CDK6: variants seen among roughly 807,000 people sequenced by gnomAD.
CDK6 encodes cyclin-dependent kinase 6.
CDK6 carries 6 observed loss-of-function variants against 37.1 expected under a neutral mutation model. That is an observed-to-expected ratio of 0.16 (90% CI 0.09 to 0.32). The LOEUF (loss-of-function observed/expected upper bound fraction) is 0.32, where lower values mean the gene tolerates loss of function less well. CDK6 is among the 10% of genes least tolerant of loss of function. CDK6 has a pLI of 1.00. For synonymous variants in CDK6, 160 were observed against 161.3 expected (o/e 0.99, Z 0.06); for missense variants, 224 against 418.9 (o/e 0.53, Z 4.06).
intron 5 of CDK6, among the ~76,000 whole-genome samples, chr7:92,626,540 G>A (rs899434001): frequency 6.6e-6 from 1 of 152,054 alleles, no homozygotes; most frequent in Non-Finnish European, 1.5e-5. Context: ...TGACTTCAAT[G>A]AACAGCAATA....
chr7:92,706,871 G>A (rs906427057), intron 4 of CDK6, among the ~76,000 whole-genome samples: 1 of 152,176 alleles, frequency 6.6e-6, no homozygotes, highest in Non-Finnish European at 1.5e-5. Context: ...GAATAGATAC[G>A]TGTGTAGCCT....
At chr7:92,648,693 G>A (rs1796503371) in intron 5 of CDK6, among the ~76,000 whole-genome samples, 1 of 152,168 alleles carries the variant, frequency 6.6e-6, no homozygotes, top group African/African-American at 2.4e-5. Context: ...GGATGACCGA[G>A]TGTTTGCCAA....
At chr7:92,700,958 T>A (rs1797827757) in intron 4 of CDK6, among the ~76,000 whole-genome samples, 1 of 152,250 alleles carries the variant, frequency 6.6e-6, no homozygotes, top group Non-Finnish European at 1.5e-5. Context: ...GAAGGGTTAA[T>A]GACATCCAGA....
intron 2 of CDK6, among the ~76,000 whole-genome samples, chr7:92,829,624 A>G (rs1801425569): frequency 6.6e-6 from 1 of 152,188 alleles, no homozygotes; most frequent in African/African-American, 2.4e-5. Flanking sequence ...ATGGAGCTCA[A>G]ATGTTCACTT....
chr7:92,608,900 G>C lies in CDK6; in HGVS notation c.*6240C>G, dbSNP rs1043537383. 6.0e-5 allele frequency: 14 copies of C among 232,560 alleles called. No individual in the cohort carries two copies. The highest frequency in any genetic ancestry group is 2.5e-3 in the Middle Eastern group (2 of 804). The allele number at this position is 232,560 out of a possible 1,614,324, so 14.4% of individuals were successfully genotyped here. On this transcript the variant is annotated 3_prime_UTR_variant, in exon 8 of 8. Coordinates refer to ENST00000424848, the MANE Select transcript of CDK6 (RefSeq NM_001145306.2). ...GGCGGGGCAACGAGGCAGCGCGCCC[G>C]GAAGGCTTTCAAGTGGGAATCAAGT... is the stretch of plus-strand genomic sequence containing the variant.
chr7:92,803,037 C>T (rs1473140740), intron 2 of CDK6, among the ~76,000 whole-genome samples: 3 of 152,194 alleles, frequency 2.0e-5, no homozygotes, highest in Non-Finnish European at 4.4e-5. Context: ...TTCCCATGTA[C>T]ACCCAATATT....
intron 5 of CDK6, among the ~76,000 whole-genome samples, chr7:92,629,084 A>G (rs997630121): frequency 8.5e-5 from 13 of 152,102 alleles, no homozygotes; most frequent in East Asian, 3.9e-4. Flanking sequence ...ACGGAAAAAA[A>G]CAATTTAAAG....
intron 2 of CDK6, among the ~76,000 whole-genome samples, chr7:92,819,801 T>G (rs1312966607): frequency 6.6e-6 from 1 of 151,750 alleles, no homozygotes; most frequent in Non-Finnish European, 1.5e-5. Context: ...TGAGAGTAAA[T>G]TCAGTAGACA....
At chr7:92,736,631 G>A (rs1003012264) in intron 3 of CDK6, among the ~76,000 whole-genome samples, 5 of 152,288 alleles carry the variant, frequency 3.3e-5, no homozygotes, top group Non-Finnish European at 7.4e-5. Context: ...AGCAGGCAGG[G>A]TCCTAAAGAG....
At chr7:92,753,671 C>T (rs753237751) in intron 3 of CDK6, among the ~76,000 whole-genome samples, 2 of 152,022 alleles carry the variant, frequency 1.3e-5, no homozygotes, top group African/African-American at 2.4e-5. Flanking sequence ...AAGAAGACTA[C>T]CTTTTGAAAT....
intron 4 of CDK6, among the ~76,000 whole-genome samples, chr7:92,675,557 G>A (rs1562932170): frequency 6.6e-6 from 1 of 152,072 alleles, no homozygotes; most frequent in Non-Finnish European, 1.5e-5. Flanking sequence ...TCATAAATGA[G>A]GCTGATCTGT....
intron 3 of CDK6, among the ~76,000 whole-genome samples, chr7:92,763,917 A>G (rs1584063159): frequency 1.3e-5 from 2 of 152,326 alleles, no homozygotes; most frequent in South Asian, 2.1e-4. Context: ...CAGTTAGGGC[A>G]GGATTGTCAT....
chr7:92,722,611 T>C (rs953310345), intron 4 of CDK6, among the ~76,000 whole-genome samples: 3 of 152,210 alleles, frequency 2.0e-5, no homozygotes, highest in African/African-American at 7.2e-5. Flanking sequence ...ATGGAGTAAG[T>C]CCTTCAGCTT....
intron 5 of CDK6, among the ~76,000 whole-genome samples, chr7:92,635,938 G>T (rs1225186010): frequency 6.6e-6 from 1 of 152,102 alleles, no homozygotes; most frequent in African/African-American, 2.4e-5. Flanking sequence ...GATAAGAGCA[G>T]GAGCTGTAAT....
rs374120271 is a variant in CDK6, at chr7:92,606,441, A to T, written c.*8699T>A. The T allele has an allele frequency of 4.3e-4, 101 of 233,386 alleles. 2 individuals are homozygous for T. The highest frequency in any genetic ancestry group is 2.1e-3 in the African/African-American group (97 of 45,456). The allele number at this position is 233,386 out of a possible 1,614,324, so 14.5% of individuals were successfully genotyped here. A position where few individuals can be genotyped will look rare whatever the true frequency, so the allele number is the denominator to read the frequency against. On this transcript the variant is annotated 3_prime_UTR_variant, in exon 8 of 8. Coordinates refer to ENST00000424848, the MANE Select transcript of CDK6 (RefSeq NM_001145306.2). Reference sequence around the variant, plus strand: ...GGAAGATGGAGAGCACCATGTGGACAAGCCAGGATGGTAGCAGGGAACACT... The same window carrying T: ...GGAAGATGGAGAGCACCATGTGGACTAGCCAGGATGGTAGCAGGGAACACT...
rs527957401 is a variant in CDK6, at chr7:92,771,143, G to A, written c.369+3553C>T. On this transcript the variant is annotated intron_variant, in intron 3 of 7. Coordinates refer to ENST00000424848, the MANE Select transcript of CDK6 (RefSeq NM_001145306.2). ...CCCAGCTACTCAGGAGGCTGAGGCAGGAGAATCGCTTGAACCTGGGAGGTG... is the reference window on the plus strand; with the variant it reads ...CCCAGCTACTCAGGAGGCTGAGGCAAGAGAATCGCTTGAACCTGGGAGGTG... Among the ~76,000 whole-genome samples, 18 of 151,790 alleles carry A rather than the reference G, an allele frequency of 1.2e-4. 1 individual carries two copies. The South Asian group carries it at 3.5e-3, about 30-fold the overall frequency.
intron 5 of CDK6, among the ~76,000 whole-genome samples, chr7:92,632,580 G>A (rs1796077661): frequency 6.6e-6 from 1 of 152,046 alleles, no homozygotes; most frequent in African/African-American, 2.4e-5. Context: ...ACAAAAGCTA[G>A]CATTTATTTT....
At chr7:92,823,565 C>A (rs1233143757) in intron 2 of CDK6, among the ~76,000 whole-genome samples, 3 of 151,736 alleles carry the variant, frequency 2.0e-5, no homozygotes, top group African/African-American at 7.3e-5. Flanking sequence ...TCCCTTCTAG[C>A]CCCAATCTCC....
At position 92,613,415 on chromosome 7, in the gene CDK6, T is replaced by A. The variant is rs1795603729; in HGVS notation, c.*1725A>T. 4.3e-6 allele frequency: 1 copy of A among 233,604 alleles called. No homozygotes were observed. The highest frequency in any genetic ancestry group is 1.8e-4 in the South Asian group (1 of 5,536). 14.5% of individuals were successfully genotyped at this position (233,604 alleles called of 1,614,324 possible). On this transcript the variant is annotated 3_prime_UTR_variant, in exon 8 of 8. Transcript: ENST00000424848. ...TGCACTCTGAGTCAGAAAGCACAGG[T>A]GGCTAAACTTTCCAAAAGATACTTT...
Sources: allele counts gnomAD v4.1 joint callset (sites outside exome capture counted in the v4.1 genomes callset), GRCh38; gene constraint gnomAD v4.1.1; transcripts MANE v1.5; gene names NCBI Gene and HGNC (gene_info 2026-07-23, HGNC 2026-07-21).